The following MYO10 variants were observed in gnomAD, a reference collection of about 807,000 sequenced individuals.
The protein encoded by MYO10 is unconventional myosin-X.
A neutral mutation model predicts 257.3 loss-of-function variants in MYO10; 133 were observed. That is an observed-to-expected ratio of 0.52 (90% CI 0.45 to 0.60). MYO10 has a LOEUF of 0.60. Among genes scored for constraint, MYO10 ranks in the 20% least tolerant of loss-of-function variants. The pLI is 0.00. For synonymous variants in MYO10, 1,104 were observed against 1,028.6 expected (o/e 1.07, Z -1.40); for missense variants, 2,399 against 2,635.7 (o/e 0.91, Z 1.97).
intron 19 of MYO10, among the ~76,000 whole-genome samples, chr5:16,749,420 G>A (rs1416830559): frequency 1.3e-5 from 2 of 151,540 alleles, no homozygotes; most frequent in Non-Finnish European, 2.9e-5. Context: ...CCGGGAGGTG[G>A]AGGTTGCAGT....
intron 19 of MYO10, among the ~76,000 whole-genome samples, chr5:16,727,447 T>C (rs1307305342): frequency 6.6e-6 from 1 of 152,238 alleles, no homozygotes; most frequent in Non-Finnish European, 1.5e-5. Context: ...CTAACACATA[T>C]TCCTTTTCAT....
Position 16,680,093 on chromosome 5 carries a change from C to T in MYO10, c.4396G>A (p.Val1466Ile), listed in dbSNP as rs748781259. 3.1e-6 allele frequency: 5 copies of T among 1,611,600 alleles called. No homozygotes were observed. The highest frequency in any genetic ancestry group is 2.7e-5 in the African/African-American group (2 of 74,898). The stretch of plus-strand genomic sequence containing the variant: ...CAGTGCTTGCGCCCGTACACGGTGA[C>T]GTTCCAGTAGCCTGCAATGGCAGGG... ...KIFKETGYWN[V>I]TVYGRKHCYR... Residue 1466 changes from valine (V) to isoleucine (I), a missense_variant, in exon 33 of 41, where the codon GTC becomes ATC. This residue lies in a region of MYO10 where 1,820 missense variants were observed against 1,939.4 expected (regional missense o/e 0.94). Transcript: ENST00000513610.
intron 17 of MYO10, among the ~76,000 whole-genome samples, chr5:16,758,784 T>A (rs1325420507): frequency 6.6e-6 from 1 of 152,028 alleles, no homozygotes; most frequent in East Asian, 1.9e-4. Flanking sequence ...TAATGCCAGG[T>A]GAGAATGAAA....
At chr5:16,741,934 T>G (rs1235106020) in intron 19 of MYO10, 1 of 985,396 alleles carries the variant, frequency 1.0e-6, no homozygotes, top group Middle Eastern at 5.2e-4. Context: ...TTCCCAGCCT[T>G]TTATGTGGTG....
chr5:16,794,742 C>T lies in MYO10; in HGVS notation c.371G>A (p.Arg124His), dbSNP rs202214678. The T allele has an allele frequency of 1.9e-4, 305 of 1,612,712 alleles. 1 individual carries two copies. The highest frequency in any genetic ancestry group is 9.9e-4 in the Middle Eastern group (6 of 6,060). The part of the protein sequence containing the change: ...EPATMEQYSR[R>H]HLGELPPHIF... ...GTGCGGGGGCAGCTCGCCCAGGTGG[C>T]GCCGGCTGTACTGCTCCATGGTGGC... is the stretch of plus-strand genomic sequence containing the variant. The change falls in exon 4 of 41, where the codon CGC (arginine) becomes CAC (histidine). Residue 124 changes from arginine to histidine, a missense_variant. Arg to His is a conservative substitution (Grantham distance 29). Around this residue, in one of 3 missense-constraint regions of MYO10, gnomAD observed 242 missense variants for 249.5 expected, o/e 0.97. Transcript: ENST00000513610.
At chr5:16,809,153 C>A (rs560609508) in intron 3 of MYO10, among the ~76,000 whole-genome samples, 1 of 150,460 alleles carries the variant, frequency 6.6e-6, no homozygotes, top group African/African-American at 2.4e-5. Flanking sequence ...GGCTACGAGT[C>A]TTGATTTCAT....
chr5:16,841,195 C>A (rs1257105420), intron 2 of MYO10, among the ~76,000 whole-genome samples: 1 of 150,818 alleles, frequency 6.6e-6, no homozygotes, highest in Non-Finnish European at 1.5e-5. Flanking sequence ...GCTTACATAA[C>A]CCTGAAGACA....
At chr5:16,790,928 CAT>C (rs971164450) in intron 4 of MYO10, among the ~76,000 whole-genome samples, 4 of 139,608 alleles carry the variant, frequency 2.9e-5, no homozygotes, top group African/African-American at 1.1e-4. Context: ...CACACACACA[CAT>C]ATATTCAAAA....
At chr5:16,822,934 G>A (rs932361396) in intron 2 of MYO10, among the ~76,000 whole-genome samples, 3 of 151,826 alleles carry the variant, frequency 2.0e-5, no homozygotes, top group Non-Finnish European at 4.4e-5. Context: ...TGATCCGCCC[G>A]CCTCGGCCTC....
rs374361148 is a variant in MYO10, at chr5:16,794,216, GA to G, written c.467+429del. On this transcript the variant is annotated intron_variant, in intron 4 of 40. Coordinates refer to ENST00000513610, the MANE Select transcript of MYO10 (RefSeq NM_012334.3). Reference sequence around the variant, plus strand: ...TCTAGAGTTATTTTATTGCAGTAGAGAAAAAAGAAACCTTGTTCACATACAT... The same window carrying G: ...TCTAGAGTTATTTTATTGCAGTAGAGAAAAAGAAACCTTGTTCACATACAT... 3.7e-3 allele frequency among the ~76,000 whole-genome samples: 564 copies of G among 152,066 alleles called. 4 individuals are homozygous for G. The highest frequency in any genetic ancestry group is 0.013 in the African/African-American group (525 of 41,516).
At chr5:16,826,569 CA>C (rs1743007258) in intron 2 of MYO10, among the ~76,000 whole-genome samples, 1 of 152,200 alleles carries the variant, frequency 6.6e-6, no homozygotes, top group Non-Finnish European at 1.5e-5. Context: ...CTCTCCGGAA[CA>C]GCTCCTGTGC....
At chr5:16,836,576 C>T (rs1743319520) in intron 2 of MYO10, among the ~76,000 whole-genome samples, 1 of 152,206 alleles carries the variant, frequency 6.6e-6, no homozygotes. Context: ...CAGCCCCCAC[C>T]TTGCGGATAT....
chr5:16,687,981 G>C (rs1737325496), intron 28 of MYO10, among the ~76,000 whole-genome samples: 1 of 152,100 alleles, frequency 6.6e-6, no homozygotes, highest in South Asian at 2.1e-4. Flanking sequence ...ATCTGAAAAG[G>C]AATTTTTTTA....
chr5:16,680,196 AATT>A (rs1262122228), intron 32 of MYO10, 92 bp from the exon 33 acceptor site: 1 of 1,417,956 alleles, frequency 7.1e-7, no homozygotes, highest in African/African-American at 1.4e-5. Flanking sequence ...CAGTCCCTTT[AATT>A]ATTCAATTCA....
chr5:16,682,082 G>A (rs912645216), intron 30 of MYO10, 69 bp from the exon 31 acceptor site: 14 of 1,536,986 alleles, frequency 9.1e-6, no homozygotes, highest in African/African-American at 6.8e-5. Context: ...TGTGTGAACC[G>A]AGACTCAGTG....
intron 19 of MYO10, among the ~76,000 whole-genome samples, chr5:16,742,609 CA>C (rs1740053857): frequency 6.6e-6 from 1 of 151,958 alleles, no homozygotes; most frequent in South Asian, 2.1e-4. Flanking sequence ...CATTTGAGGT[CA>C]GGAGTTCGAG....
chr5:16,717,091 C>T (rs149027561), intron 19 of MYO10, among the ~76,000 whole-genome samples: 1 of 152,312 alleles, frequency 6.6e-6, no homozygotes. Context: ...CCCACCTCAC[C>T]CTTCCAAAAT....
chr5:16,684,489 C>T (rs1331820554), intron 29 of MYO10, among the ~76,000 whole-genome samples: 1 of 152,194 alleles, frequency 6.6e-6, no homozygotes, highest in African/African-American at 2.4e-5. Flanking sequence ...AGTGATCCAT[C>T]CGCCTTGGCC....
chr5:16,727,036 T>C (rs1739394621), intron 19 of MYO10, among the ~76,000 whole-genome samples: 1 of 152,188 alleles, frequency 6.6e-6, no homozygotes, highest in Non-Finnish European at 1.5e-5. Context: ...GCAAATTGAG[T>C]TGTGCTCTAG....
Sources: gnomAD v4.1 joint callset for allele counts (sites outside exome capture counted in the v4.1 genomes callset) on GRCh38, gnomAD v4.1.1 for gene constraint, gnomAD v4.1.1 regional missense constraint, MANE v1.5 for transcripts, NCBI Gene and HGNC (gene_info 2026-07-23, HGNC 2026-07-21) for gene names.